The following SMARCAD1 variants were observed in gnomAD, a reference collection of about 807,000 sequenced individuals.
SMARCAD1 encodes SNF2 related chromatin remodeling ATPase with DExD box 1, also known as SWI/SNF-related matrix-associated actin-dependent regulator of chromatin subfamily A containing DEAD/H box 1.
Under a neutral mutation model 127.1 loss-of-function variants are expected in SMARCAD1, and 25 were observed. That is an observed-to-expected ratio of 0.20 (90% CI 0.14 to 0.27). SMARCAD1 has a LOEUF of 0.27. Ranked by LOEUF, SMARCAD1 falls within the 10% of genes least tolerant of loss-of-function variation. The pLI, the probability that SMARCAD1 is intolerant of heterozygous loss-of-function variation, is 1.00. For synonymous variants in SMARCAD1, 400 were observed against 396.9 expected, an observed-to-expected ratio of 1.01 and a Z score of -0.09; for missense variants, 807 against 1,206.0, an observed-to-expected ratio of 0.67 and a Z score of 4.90.
At position 94,279,064 on chromosome 4, in the gene SMARCAD1, ATTATG is replaced by A; in HGVS notation, c.2418+18_2418+22del. ...CTTATGCTAAAGGTAAGGATTTCAT[ATTATG>A]TTAACACTAAGCTTTAATAAGAGGT... On this transcript the variant is annotated intron_variant, in intron 19 of 23. Coordinates refer to ENST00000354268, the MANE Select transcript of SMARCAD1 (RefSeq NM_020159.5). 1 of 1,613,968 alleles carries A rather than the reference ATTATG, an allele frequency of 6.2e-7. No individual in the cohort carries two copies. Among genetic ancestry groups the A allele is most frequent in the Non-Finnish European group, 8.5e-7 (1 of 1,179,926 alleles).
intron 2 of SMARCAD1, among the ~76,000 whole-genome samples, chr4:94,215,122 T>C (rs1213055752): frequency 1.3e-5 from 2 of 152,208 alleles, no homozygotes; most frequent in Non-Finnish European, 2.9e-5. Flanking sequence ...CCGTGACCAT[T>C]GCGCAATACT....
intron 2 of SMARCAD1, among the ~76,000 whole-genome samples, chr4:94,221,279 G>C (rs1231642132): frequency 1.3e-5 from 2 of 152,182 alleles, no homozygotes; most frequent in Non-Finnish European, 2.9e-5. Context: ...GTATTACTCA[G>C]TGAACTAGTA....
intron 2 of SMARCAD1, among the ~76,000 whole-genome samples, chr4:94,214,305 C>A (rs1180766269): frequency 6.7e-6 from 1 of 149,924 alleles, no homozygotes; most frequent in East Asian, 2.0e-4. Flanking sequence ...CTCTGTCACC[C>A]AGGCTGGAGT....
At chr4:94,208,303 T>G (rs1265628265) in intron 1 of SMARCAD1, 43 bp from the exon 2 acceptor site, 1 of 1,354,002 alleles carries the variant, frequency 7.4e-7, no homozygotes. Context: ...TATCGTATAT[T>G]GTTTTCATGG....
chr4:94,270,897 C>G lies in SMARCAD1; in HGVS notation c.1572+79C>G, dbSNP rs1752452199. 2.3e-6 allele frequency: 3 copies of G among 1,311,034 alleles called. No homozygotes were observed. The South Asian group carries it at 3.6e-5, about 16-fold the overall frequency. 81.2% of individuals were successfully genotyped at this position (1,311,034 alleles called of 1,614,324 possible). On this transcript the variant is annotated intron_variant, in intron 11 of 23. Transcript: ENST00000354268. ...TCTTGCTGTCATTTAAAACATGAAA[C>G]TTTTTTTTGCTACTGTAGTTAACTA...
At chr4:94,274,855 TAAA>T (rs769093476) in intron 13 of SMARCAD1, 32 bp from the exon 14 acceptor site, 3 of 1,603,414 alleles carry the variant, frequency 1.9e-6, no homozygotes, top group Non-Finnish European at 2.6e-6. Context: ...TACAGCACAA[TAAA>T]TAGTCATGTG....
chr4:94,211,164 C>A (rs749147256), intron 2 of SMARCAD1, among the ~76,000 whole-genome samples: 1 of 151,942 alleles, frequency 6.6e-6, no homozygotes. Context: ...CCCAGCTACT[C>A]GGGAGGCTGA....
intron 2 of SMARCAD1, among the ~76,000 whole-genome samples, chr4:94,224,403 T>A (rs1292151845): frequency 6.6e-6 from 1 of 152,214 alleles, no homozygotes; most frequent in African/African-American, 2.4e-5. Context: ...GATTTTGGAA[T>A]ATTTGCATAT....
intron 19 of SMARCAD1, among the ~76,000 whole-genome samples, chr4:94,279,391 T>C (rs545207832): frequency 1.3e-5 from 2 of 152,218 alleles, no homozygotes; most frequent in African/African-American, 4.8e-5. Context: ...TCGCCCGCCT[T>C]GGCCTCCCAA....
intron 18 of SMARCAD1, 48 bp from the exon 19 acceptor site, chr4:94,278,881 A>G: frequency 6.2e-7 from 1 of 1,610,848 alleles, no homozygotes; most frequent in Non-Finnish European, 8.5e-7. Flanking sequence ...ATATTTCAAC[A>G]GTTATCCGCT....
At chr4:94,285,315 A>G (rs908700928) in intron 23 of SMARCAD1, among the ~76,000 whole-genome samples, 4 of 152,212 alleles carry the variant, frequency 2.6e-5, no homozygotes, top group African/African-American at 9.6e-5. Context: ...CTCAGAAATG[A>G]AAGAACAGAC....
intron 9 of SMARCAD1, among the ~76,000 whole-genome samples, chr4:94,255,976 T>C (rs1750013314): frequency 6.6e-6 from 1 of 152,300 alleles, no homozygotes; most frequent in East Asian, 1.9e-4. Context: ...TTTAAAAACT[T>C]GTACTGTTAT....
chr4:94,218,394 G>A (rs1293195554), intron 2 of SMARCAD1, among the ~76,000 whole-genome samples: 1 of 151,818 alleles, frequency 6.6e-6, no homozygotes, highest in African/African-American at 2.4e-5. Context: ...GAGTAGCTGG[G>A]ACCTCCTCCT....
rs1314457738 is a variant in SMARCAD1, at chr4:94,290,489, A to G, written c.*955A>G. The stretch of plus-strand genomic sequence containing the variant: ...AAGCAGACTGAATGTGACTTCATCT[A>G]AAGGCAGCATTAGGTACTGCATGGA... On this transcript the variant is annotated 3_prime_UTR_variant, in exon 24 of 24. Transcript: ENST00000354268. The G allele has an allele frequency of 6.6e-6, 3 of 454,538 alleles. No homozygotes were observed. The highest frequency in any genetic ancestry group is 2.3e-5 in the Admixed American group (1 of 42,578). The allele number at this position is 454,538 out of a possible 1,614,324, so 28.2% of individuals were successfully genotyped here.
intron 2 of SMARCAD1, among the ~76,000 whole-genome samples, chr4:94,218,261 T>A (rs1743517001): frequency 6.6e-6 from 1 of 152,084 alleles, no homozygotes; most frequent in Non-Finnish European, 1.5e-5. Flanking sequence ...TCTTTTCCTT[T>A]ATGTTTTAAT....
intron 6 of SMARCAD1, among the ~76,000 whole-genome samples, chr4:94,246,175 A>T (rs928508981): frequency 6.7e-6 from 1 of 149,552 alleles, no homozygotes; most frequent in Non-Finnish European, 1.5e-5. Flanking sequence ...GCTGGAGTGC[A>T]ATGGCATGAT....
chr4:94,251,681 A>G (rs1320218464), intron 8 of SMARCAD1, among the ~76,000 whole-genome samples: 6 of 152,142 alleles, frequency 3.9e-5, no homozygotes, highest in Non-Finnish European at 8.8e-5. Context: ...CTTTCTGAGT[A>G]AGTAAAAATT....
intron 4 of SMARCAD1, among the ~76,000 whole-genome samples, chr4:94,235,404 T>C (rs1047003450): frequency 7.9e-5 from 12 of 151,972 alleles, no homozygotes; most frequent in African/African-American, 2.9e-4. Flanking sequence ...AAGATAAAAA[T>C]AAACATGCTA....
chr4:94,279,858 T>G (rs888876152), intron 19 of SMARCAD1, among the ~76,000 whole-genome samples: 1 of 152,088 alleles, frequency 6.6e-6, no homozygotes, highest in Non-Finnish European at 1.5e-5. Context: ...ACCCATTTTC[T>G]TCCTTTTCTT....
Sources: gnomAD v4.1 joint callset for allele counts (sites outside exome capture counted in the v4.1 genomes callset) on GRCh38, gnomAD v4.1.1 for gene constraint, MANE v1.5 for transcripts, NCBI Gene and HGNC (gene_info 2026-07-23, HGNC 2026-07-21) for gene names.